Variants in PTPRD observed in about 807,000 individuals in gnomAD.
PTPRD encodes protein tyrosine phosphatase receptor type D, also known as receptor-type tyrosine-protein phosphatase delta.
PTPRD carries 34 observed loss-of-function variants against 214.5 expected under a neutral mutation model. The observed-to-expected ratio is 0.16, with a 90% CI of 0.12 to 0.21. The LOEUF is 0.21. Among genes scored for constraint, PTPRD ranks in the 10% least tolerant of loss-of-function variants. PTPRD has a pLI of 1.00. For synonymous variants in PTPRD, 1,128 were observed against 845.7 expected, an observed-to-expected ratio of 1.33 and a Z score of -5.79; for missense variants, 2,545 against 2,398.7, an observed-to-expected ratio of 1.06 and a Z score of -1.27.
intron 5 of PTPRD, among the ~76,000 whole-genome samples, chr9:9,883,366 G>A (rs1473106649): frequency 2.0e-5 from 3 of 152,074 alleles, no homozygotes; most frequent in East Asian, 1.9e-4. Context: ...AGAACAGGCT[G>A]TAGGGAAAAG....
chr9:8,654,253 C>A (rs1399047695), intron 12 of PTPRD, among the ~76,000 whole-genome samples: 2 of 152,172 alleles, frequency 1.3e-5, no homozygotes, highest in African/African-American at 4.8e-5. Context: ...TCAACTACCC[C>A]CTACTTGGTA....
At chr9:9,259,596 T>C (rs2099979203) in intron 9 of PTPRD, among the ~76,000 whole-genome samples, 1 of 151,938 alleles carries the variant, frequency 6.6e-6, no homozygotes, top group Non-Finnish European at 1.5e-5. Context: ...AGTATGTCAT[T>C]GAACACTACC....
chr9:9,274,471 A>C (rs1277475400), intron 9 of PTPRD, among the ~76,000 whole-genome samples: 1 of 151,270 alleles, frequency 6.6e-6, no homozygotes, highest in Non-Finnish European at 1.5e-5. Context: ...GCAAATTATA[A>C]AGACTTAAGG....
At chr9:9,044,532 C>T (rs2099664883) in intron 10 of PTPRD, among the ~76,000 whole-genome samples, 1 of 152,170 alleles carries the variant, frequency 6.6e-6, no homozygotes, top group South Asian at 2.1e-4. Flanking sequence ...CTAGTTTAGG[C>T]ATTTCTGTTT....
intron 5 of PTPRD, among the ~76,000 whole-genome samples, chr9:9,927,054 A>T (rs1391861235): frequency 1.3e-5 from 2 of 152,158 alleles, no homozygotes. Flanking sequence ...TAGGAGATTA[A>T]TTTTGCTTAT....
intron 36 of PTPRD, among the ~76,000 whole-genome samples, chr9:8,403,585 G>C (rs948026550): frequency 1.6e-4 from 24 of 152,142 alleles, no homozygotes; most frequent in Admixed American, 1.4e-3. Context: ...CCACACAAAA[G>C]GGATTTATCA....
At chr9:10,574,488 G>A (rs2068520326) in intron 2 of PTPRD, among the ~76,000 whole-genome samples, 1 of 151,802 alleles carries the variant, frequency 6.6e-6, no homozygotes, top group Non-Finnish European at 1.5e-5. Context: ...CCTGTCTTCA[G>A]GTTCTTATCA....
chr9:8,487,995 G>A (rs2097067160), intron 27 of PTPRD, among the ~76,000 whole-genome samples: 1 of 152,086 alleles, frequency 6.6e-6, no homozygotes, highest in Non-Finnish European at 1.5e-5. Context: ...CACCATTGCT[G>A]TCCAGCCTGA....
At chr9:9,836,770 C>T (rs1299971224) in intron 5 of PTPRD, among the ~76,000 whole-genome samples, 1 of 152,136 alleles carries the variant, frequency 6.6e-6, no homozygotes, top group South Asian at 2.1e-4. Flanking sequence ...AGAAAACTTA[C>T]CTATGTCTCA....
intron 11 of PTPRD, among the ~76,000 whole-genome samples, chr9:8,765,619 C>G (rs1023314947): frequency 6.6e-6 from 1 of 152,184 alleles, no homozygotes; most frequent in Non-Finnish European, 1.5e-5. Flanking sequence ...ACTGCAACCT[C>G]GTAACAGATC....
chr9:8,505,526 G>C (rs1231160595), intron 22 of PTPRD, among the ~76,000 whole-genome samples: 1 of 150,874 alleles, frequency 6.6e-6, no homozygotes, highest in Non-Finnish European at 1.5e-5. Context: ...GGAGGCTGAG[G>C]CAGGAGGATG....
intron 11 of PTPRD, among the ~76,000 whole-genome samples, chr9:8,975,891 A>G (rs1489820853): frequency 1.3e-5 from 2 of 151,876 alleles, no homozygotes; most frequent in Non-Finnish European, 2.9e-5. Flanking sequence ...TCATGACAGC[A>G]TTTGTACTTC....
intron 12 of PTPRD, among the ~76,000 whole-genome samples, chr9:8,663,653 G>A (rs890311360): frequency 4.3e-4 from 66 of 151,862 alleles, no homozygotes; most frequent in African/African-American, 1.4e-3. Context: ...CACCACACCC[G>A]GCTAATTTTT....
intron 7 of PTPRD, among the ~76,000 whole-genome samples, chr9:9,689,061 A>C (rs1363217145): frequency 2.0e-5 from 3 of 151,912 alleles, no homozygotes; most frequent in Non-Finnish European, 4.4e-5. Flanking sequence ...GTAAAGTGAA[A>C]CTCAACTAAA....
intron 3 of PTPRD, among the ~76,000 whole-genome samples, chr9:10,056,033 C>T (rs1389713391): frequency 6.9e-6 from 1 of 144,242 alleles, no homozygotes; most frequent in Non-Finnish European, 1.5e-5. Flanking sequence ...AAGAATATGT[C>T]ATTAAAGAGC....
chr9:9,112,048 C>T (rs777236096), intron 10 of PTPRD, among the ~76,000 whole-genome samples: 14 of 152,092 alleles, frequency 9.2e-5, no homozygotes, highest in South Asian at 2.1e-4. Context: ...TTTGCTGTAA[C>T]CTCCTCTGCT....
At chr9:10,451,246 G>A (rs1256250131) in intron 2 of PTPRD, among the ~76,000 whole-genome samples, 2 of 151,810 alleles carry the variant, frequency 1.3e-5, no homozygotes, top group East Asian at 3.8e-4. Flanking sequence ...GTGTGCTGGG[G>A]CCAAGCAGAG....
At chr9:9,895,187 A>C (rs1252440075) in intron 5 of PTPRD, among the ~76,000 whole-genome samples, 2 of 152,086 alleles carry the variant, frequency 1.3e-5, no homozygotes, top group Non-Finnish European at 2.9e-5. Context: ...CAAAAGATGC[A>C]TTTGGGTTAA....
In PTPRD at chr9:8,664,820, C is replaced by T. The variant is rs117137319; in HGVS notation, c.65-27976G>A. Among the ~76,000 whole-genome samples the T allele has an allele frequency of 3.0e-3, 457 of 152,270 alleles. 3 individuals are homozygous for T. Among genetic ancestry groups the T allele is most frequent in the East Asian group, 0.019 (101 of 5,184 alleles). ...TCAGTTTTTCACCAAGTTTTAAATGCAATCTCTTGAGTCCCATGGTTTTAT... is the reference window on the plus strand; with the variant it reads ...TCAGTTTTTCACCAAGTTTTAAATGTAATCTCTTGAGTCCCATGGTTTTAT... On this transcript the variant is annotated intron_variant, in intron 12 of 45. Transcript: ENST00000381196.
Sources: allele counts gnomAD v4.1 joint callset (sites outside exome capture counted in the v4.1 genomes callset), GRCh38; gene constraint gnomAD v4.1.1; transcripts MANE v1.5; gene names NCBI Gene and HGNC (gene_info 2026-07-23, HGNC 2026-07-21).